PITPNC1: variants seen among roughly 807,000 people sequenced by gnomAD.
The protein encoded by PITPNC1 is phosphatidylinositol transfer protein cytoplasmic 1, also known as cytoplasmic phosphatidylinositol transfer protein 1.
Under a neutral mutation model 44.7 loss-of-function variants are expected in PITPNC1, and 18 were observed. The observed-to-expected ratio is 0.40, with a 90% CI of 0.28 to 0.60. The LOEUF (loss-of-function observed/expected upper bound fraction) is 0.60. Among genes scored for constraint, PITPNC1 ranks in the 20% least tolerant of loss-of-function variants. PITPNC1 has a pLI of 0.39. For synonymous variants in PITPNC1, 141 were observed against 149.6 expected, an observed-to-expected ratio of 0.94 and a Z score of 0.42; for missense variants, 290 against 418.4, an observed-to-expected ratio of 0.69 and a Z score of 2.68.
intron 2 of PITPNC1, among the ~76,000 whole-genome samples, chr17:67,549,835 C>T (rs2040735117): frequency 6.6e-6 from 1 of 152,166 alleles, no homozygotes; most frequent in East Asian, 1.9e-4. Context: ...CTAAGCTAAA[C>T]AATGCCTGGC....
chr17:67,572,627 C>A (rs16960991), intron 4 of PITPNC1, among the ~76,000 whole-genome samples: 2 of 151,646 alleles, frequency 1.3e-5, no homozygotes, highest in Non-Finnish European at 2.9e-5. Flanking sequence ...AAAGGAGATA[C>A]GCGCTGTGAT....
At chr17:67,425,516 TTTTC>T (rs1339296170) in intron 1 of PITPNC1, among the ~76,000 whole-genome samples, 24 of 141,098 alleles carry the variant, frequency 1.7e-4, no homozygotes, top group African/African-American at 5.6e-4. Context: ...TCGCTATTTC[TTTTC>T]TTTCTTTCTT....
At chr17:67,653,205 C>T (rs1190152092) in intron 6 of PITPNC1, among the ~76,000 whole-genome samples, 1 of 152,066 alleles carries the variant, frequency 6.6e-6, no homozygotes, top group Non-Finnish European at 1.5e-5. Flanking sequence ...TTGCTTGAAC[C>T]CAGGAGGTGG....
intron 1 of PITPNC1, among the ~76,000 whole-genome samples, chr17:67,416,802 C>T (rs2038595834): frequency 6.6e-6 from 1 of 152,170 alleles, no homozygotes; most frequent in African/African-American, 2.4e-5. Flanking sequence ...ATTCAGCATT[C>T]TCTCTGTCTC....
intron 1 of PITPNC1, among the ~76,000 whole-genome samples, chr17:67,451,113 C>T (rs1343751914): frequency 6.6e-6 from 1 of 151,992 alleles, no homozygotes; most frequent in Non-Finnish European, 1.5e-5. Context: ...CTCACTGCAA[C>T]TTCCGCCTCC....
At chr17:67,400,856 C>T (rs2038297860) in intron 1 of PITPNC1, among the ~76,000 whole-genome samples, 1 of 151,436 alleles carries the variant, frequency 6.6e-6, no homozygotes, top group Admixed American at 6.6e-5. Flanking sequence ...AGGGTCTAAT[C>T]CTTCGTGAAT....
At chr17:67,493,941 TACAA>T (rs1280733315) in intron 1 of PITPNC1, among the ~76,000 whole-genome samples, 1 of 152,200 alleles carries the variant, frequency 6.6e-6, no homozygotes, top group Admixed American at 6.5e-5. Context: ...TTTCTTCCCA[TACAA>T]ACATTTTATT....
intron 1 of PITPNC1, among the ~76,000 whole-genome samples, chr17:67,409,761 C>T (rs769424845): frequency 2.6e-5 from 4 of 152,102 alleles, no homozygotes; most frequent in Admixed American, 6.6e-5. Context: ...TGGTCTCAAA[C>T]TCCTGACCTC....
At chr17:67,593,455 A>G (rs2144260317) in intron 5 of PITPNC1, among the ~76,000 whole-genome samples, 1 of 151,826 alleles carries the variant, frequency 6.6e-6, no homozygotes, top group South Asian at 2.1e-4. Context: ...GCTGGAGTGC[A>G]GTGGTGTGAT....
chr17:67,429,478 T>A (rs2038823203), intron 1 of PITPNC1, among the ~76,000 whole-genome samples: 1 of 151,072 alleles, frequency 6.6e-6, no homozygotes, highest in Non-Finnish European at 1.5e-5. Context: ...GGCAGGTGGA[T>A]CATCTGAGGT....
intron 6 of PITPNC1, among the ~76,000 whole-genome samples, chr17:67,662,577 A>T (rs1842283166): frequency 6.6e-6 from 1 of 152,230 alleles, no homozygotes; most frequent in South Asian, 2.1e-4. Flanking sequence ...GTTTGCCGTC[A>T]TTCTGCATAC....
chr17:67,503,068 T>C (rs142153893), intron 1 of PITPNC1, among the ~76,000 whole-genome samples: 1 of 152,304 alleles, frequency 6.6e-6, no homozygotes, highest in African/African-American at 2.4e-5. Context: ...AGTGCTGGGA[T>C]TACAGGGGTG....
At chr17:67,455,920 A>C (rs2039248830) in intron 1 of PITPNC1, among the ~76,000 whole-genome samples, 1 of 152,202 alleles carries the variant, frequency 6.6e-6, no homozygotes. Flanking sequence ...TTTTAAAAAC[A>C]ATTCAAATAT....
At chr17:67,427,475 G>A (rs937910373) in intron 1 of PITPNC1, among the ~76,000 whole-genome samples, 2 of 152,104 alleles carry the variant, frequency 1.3e-5, no homozygotes, top group Admixed American at 1.3e-4. Flanking sequence ...GCCTCCCAAA[G>A]TGTTGGTATT....
At chr17:67,558,859 C>G (rs753301364) in intron 4 of PITPNC1, among the ~76,000 whole-genome samples, 10 of 152,052 alleles carry the variant, frequency 6.6e-5, no homozygotes, top group Admixed American at 1.3e-4. Flanking sequence ...AACCTCAAAT[C>G]GTATTGAGCC....
intron 1 of PITPNC1, among the ~76,000 whole-genome samples, chr17:67,423,744 A>G (rs1010279211): frequency 6.6e-6 from 1 of 152,154 alleles, no homozygotes; most frequent in Non-Finnish European, 1.5e-5. Context: ...TAAAGAAAAG[A>G]AGAGCGTTTC....
chr17:67,556,181 A>G (rs2040836262), intron 4 of PITPNC1, among the ~76,000 whole-genome samples: 1 of 152,178 alleles, frequency 6.6e-6, no homozygotes, highest in Admixed American at 6.5e-5. Context: ...AGCAGTTGCA[A>G]TGTGAAAAGA....
intron 6 of PITPNC1, among the ~76,000 whole-genome samples, chr17:67,652,170 A>G (rs966260690): frequency 1.3e-5 from 2 of 152,170 alleles, no homozygotes; most frequent in African/African-American, 4.8e-5. Flanking sequence ...TGTGGTTCAA[A>G]TTGAGAGTGT....
intron 6 of PITPNC1, among the ~76,000 whole-genome samples, chr17:67,666,563 T>TAC (rs538269106): frequency 1.1e-3 from 165 of 152,320 alleles, no homozygotes; most frequent in African/African-American, 3.8e-3. Context: ...ACTTTTATGC[T>TAC]ACACTCATGG....
Sources: gnomAD v4.1 joint callset for allele counts (sites outside exome capture counted in the v4.1 genomes callset) on GRCh38, gnomAD v4.1.1 for gene constraint, MANE v1.5 for transcripts, NCBI Gene and HGNC (gene_info 2026-07-23, HGNC 2026-07-21) for gene names.